Variants in FLT4 observed in about 807,000 individuals in gnomAD.
The protein encoded by FLT4 is vascular endothelial growth factor receptor 3.
In FLT4, 30 loss-of-function variants were observed where a neutral mutation model predicts 163.2. The ratio of observed to expected loss-of-function variants is 0.18; its 90% CI spans 0.14 to 0.25. The LOEUF (loss-of-function observed/expected upper bound fraction) is 0.25. Among genes scored for constraint, FLT4 ranks in the 10% least tolerant of loss-of-function variants. FLT4 has a pLI of 1.00. For missense variants in FLT4, 1,510 were observed against 1,863.8 expected (o/e 0.81, Z 3.50); for synonymous variants, 884 against 789.5 (o/e 1.12, Z -2.01).
intron 1 of FLT4, among the ~76,000 whole-genome samples, chr5:180,637,191 A>G (rs542505279): frequency 6.6e-6 from 1 of 152,096 alleles, no homozygotes; most frequent in South Asian, 2.1e-4. Flanking sequence ...TTAGCCGGGC[A>G]CGGTGGTGGG....
intron 28 of FLT4, chr5:180,609,405 A>G (rs1762004687): frequency 4.6e-6 from 2 of 435,062 alleles, no homozygotes; most frequent in Non-Finnish European, 4.3e-6. Flanking sequence ...AAAACGATCC[A>G]TGTGAGGCTG....
Position 180,602,638 on chromosome 5 carries a change from G to A in FLT4, c.*554C>T, listed in dbSNP as rs1196651030. The A allele has an allele frequency of 2.4e-6, 1 of 410,526 alleles. No homozygotes were observed. Among genetic ancestry groups the A allele is most frequent in the East Asian group, 3.5e-5 (1 of 28,798 alleles). The allele number at this position is 410,526 out of a possible 1,614,324, so 25.4% of individuals were successfully genotyped here. ...GTTGGCTGTTTGGTCAGGCCCAGAAGAGGACCCTGCAAATGCCTTCTTTGA... is the reference window on the plus strand; with the variant it reads ...GTTGGCTGTTTGGTCAGGCCCAGAAAAGGACCCTGCAAATGCCTTCTTTGA... On this transcript the variant is annotated 3_prime_UTR_variant, in exon 30 of 30. Transcript: ENST00000261937.
At position 180,626,139 on chromosome 5, in the gene FLT4, G is replaced by A. The variant is rs113099929; in HGVS notation, c.1230C>T (p.Arg410=). 1.2e-5 allele frequency: 19 copies of A among 1,612,866 alleles called. 1 individual carries two copies. In the African/African-American group the frequency reaches 1.7e-4, roughly 15 times the overall value. ...ALWNSAAGLR[R]NISLELVVNV... Reference sequence around the variant, plus strand: ...TCACCACCAGCTCCAGGCTGATGTTGCGCCTCAGGCCAGCAGCGGAGTTCC... The same window carrying A: ...TCACCACCAGCTCCAGGCTGATGTTACGCCTCAGGCCAGCAGCGGAGTTCC... Residue 410 remains arginine (R), a synonymous_variant, in exon 9 of 30, where the codon CGC becomes CGT. Transcript: ENST00000261937.
rs186379730 is a variant in FLT4, at chr5:180,636,611, C to T, written c.59-4833G>A. ...TTCACCATCCACAGGGCTGACTCAC[C>T]AGCACCCTGGCCTCTGAGATCCCCC... On this transcript the variant is annotated intron_variant, in intron 1 of 29. Transcript: ENST00000261937. The surrounding 1 kb of genome is among the most constrained non-coding windows in gnomAD (Gnocchi z 4.3). Among the ~76,000 whole-genome samples, 2 of 151,830 alleles carry T rather than the reference C, an allele frequency of 1.3e-5. No individual in the cohort carries two copies. Among genetic ancestry groups the T allele is most frequent in the African/African-American group, 4.8e-5 (2 of 41,384 alleles).
rs1763056319 is a variant in FLT4, at chr5:180,620,638, G to C, written c.2377C>G (p.Leu793Val). ...CTCATGTTACAGAAGATGAGGAGGA[G>C]GAGGACCCAGAAGAAGACAGCGATG... ...GVIAVFFWVL[L>V]LLIFCNMRRP... is the part of the protein sequence containing the mutation. Residue 793 changes from leucine (L) to valine (V), a missense_variant, in exon 16 of 30, where the codon CTC (leucine) becomes GTC (valine). Physicochemically the swap from Leu to Val is conservative, Grantham distance 32. This residue lies in a region of FLT4 where 878 missense variants were observed against 1,016.7 expected (regional missense o/e 0.86). Transcript: ENST00000261937. The surrounding 1 kb of genome is among the most constrained non-coding windows in gnomAD (Gnocchi z 4.4). 6.2e-7 allele frequency: 1 copy of C among 1,613,208 alleles called. No homozygotes were observed. The highest frequency in any genetic ancestry group is 8.5e-7 in the Non-Finnish European group (1 of 1,179,700).
intron 8 of FLT4, among the ~76,000 whole-genome samples, chr5:180,627,690 TGA>T (rs1251446784): frequency 6.6e-6 from 1 of 152,170 alleles, no homozygotes; most frequent in Non-Finnish European, 1.5e-5. Flanking sequence ...AAAGCTGTTC[TGA>T]GAGGCAGCTG....
chr5:180,621,267 C>T lies in FLT4; in HGVS notation c.2021-15G>A, dbSNP rs749019722. 2 of 1,609,636 alleles carry T rather than the reference C, an allele frequency of 1.2e-6. No individual in the cohort carries two copies. Among genetic ancestry groups the T allele is most frequent in the East Asian group, 2.2e-5 (1 of 44,784 alleles). ...GGCTTCCAGGGCTGGGGGCAGGGGTCGAGAGGGAGCTAAGTGGAGCTGCAC... is the reference window on the plus strand; with the variant it reads ...GGCTTCCAGGGCTGGGGGCAGGGGTTGAGAGGGAGCTAAGTGGAGCTGCAC... On this transcript the variant is annotated splice_polypyrimidine_tract_variant and intron_variant, in intron 13 of 29. Coordinates refer to ENST00000261937, the MANE Select transcript of FLT4 (RefSeq NM_182925.5).
intron 29 of FLT4, among the ~76,000 whole-genome samples, chr5:180,605,338 T>C (rs1761732464): frequency 6.6e-6 from 1 of 152,210 alleles, no homozygotes; most frequent in Non-Finnish European, 1.5e-5. Context: ...TCCGTCCATT[T>C]CTATCCTGAA....
chr5:180,612,917 C>T, intron 25 of FLT4, 94 bp downstream of exon 25: 2 of 939,146 alleles, frequency 2.1e-6, no homozygotes, highest in Non-Finnish European at 1.7e-6. Flanking sequence ...TCCTACTGGC[C>T]CTGGCTTCCC....
chr5:180,606,905 A>ACAAAAC (rs749745339), intron 29 of FLT4, among the ~76,000 whole-genome samples: 1 of 38,632 alleles, frequency 2.6e-5, no homozygotes. Context: ...AAAAAAAAAA[A>ACAAAAC]AAAAAAAAAA....
chr5:180,647,665 G>A (rs559140919), intron 1 of FLT4, among the ~76,000 whole-genome samples: 1 of 151,862 alleles, frequency 6.6e-6, no homozygotes, highest in Non-Finnish European at 1.5e-5. Flanking sequence ...GGGCTCCCGG[G>A]GTCTTCAGCC....
At position 180,627,676 on chromosome 5, in the gene FLT4, G is replaced by A. The variant is rs1376086823; in HGVS notation, c.1103+1206C>T. Reference sequence around the variant, plus strand: ...AGCCAGATGTGGCAGGAGTGAGCCAGTGGAAAGCTGTTCTGAGAGGCAGCT... The same window carrying A: ...AGCCAGATGTGGCAGGAGTGAGCCAATGGAAAGCTGTTCTGAGAGGCAGCT... On this transcript the variant is annotated intron_variant, in intron 8 of 29. Transcript: ENST00000261937. 2.0e-5 allele frequency among the ~76,000 whole-genome samples: 3 copies of A among 152,256 alleles called. No homozygotes were observed. The East Asian group carries it at 5.8e-4, about 29-fold the overall frequency.
chr5:180,640,805 C>A (rs1278557210), intron 1 of FLT4, among the ~76,000 whole-genome samples: 2 of 152,184 alleles, frequency 1.3e-5, no homozygotes, highest in Admixed American at 6.5e-5. Context: ...ATCAAATCCT[C>A]TCTGGGCCCA....
intron 8 of FLT4, among the ~76,000 whole-genome samples, chr5:180,627,620 CAGGA>C (rs1763732486): frequency 6.6e-6 from 1 of 152,162 alleles, no homozygotes; most frequent in Non-Finnish European, 1.5e-5. Flanking sequence ...GTGGGCACCA[CAGGA>C]AGGGTGGGTG....
Position 180,616,890 on chromosome 5 carries a change from G to T in FLT4, c.3096+10C>A, listed in dbSNP as rs1397096992. ...TTTTCCCGTCTGAAGGGCCTTCGGG[G>T]GAAGCTCACCTTTCGGGAAGCCAGG... On this transcript the variant is annotated intron_variant, in intron 22 of 29. Coordinates refer to ENST00000261937, the MANE Select transcript of FLT4 (RefSeq NM_182925.5). The T allele has an allele frequency of 6.2e-7, 1 of 1,609,824 alleles. No homozygotes were observed. Among genetic ancestry groups the T allele is most frequent in the African/African-American group, 1.3e-5 (1 of 74,802 alleles).
In FLT4 at chr5:180,629,391, G is replaced by T. The variant is rs1279584243; in HGVS notation, c.853C>A (p.Gln285Lys). 8 of 1,611,944 alleles carry T rather than the reference G, an allele frequency of 5.0e-6. No homozygotes were observed. Among genetic ancestry groups the T allele is most frequent in the Non-Finnish European group, 6.8e-6 (8 of 1,179,972 alleles). ...CTGGAGAGTTCTGTGTGGGTCTGCT[G>T]GGAGCGTCGCTCGGGCACCCACTTA... ...RGKWVPERRS[Q>K]QTHTELSSIL... The change falls in exon 7 of 30, where the codon CAG becomes AAG. Residue 285 changes from glutamine (Q) to lysine (K), a missense_variant. By Grantham distance (53) the Gln-to-Lys change is moderately conservative. Transcript: ENST00000261937.
At chr5:180,629,120 C>G (rs1581674059) in intron 7 of FLT4, 121 bp from the exon 8 acceptor site, 1 of 1,443,188 alleles carries the variant, frequency 6.9e-7, no homozygotes, top group East Asian at 2.3e-5. Flanking sequence ...GCTGGCCATG[C>G]CGCCCGGTGC....
Position 180,649,468 on chromosome 5 carries a change from G to T in FLT4, c.58+20C>A. The T allele has an allele frequency of 6.9e-7, 1 of 1,454,266 alleles. No individual in the cohort carries two copies. The highest frequency in any genetic ancestry group is 9.1e-7 in the Non-Finnish European group (1 of 1,104,774). The allele number at this position is 1,454,266 out of a possible 1,614,324, so 90.1% of individuals were successfully genotyped here. ...CGGCCAGCCCCACGCTCGGGCGGGT[G>T]GCCCGTTCGCCGCGCTCACCGTCCA... On this transcript the variant is annotated intron_variant, in intron 1 of 29. Coordinates refer to ENST00000261937, the MANE Select transcript of FLT4 (RefSeq NM_182925.5).
intron 1 of FLT4, among the ~76,000 whole-genome samples, chr5:180,647,925 G>A (rs190611639): frequency 6.6e-6 from 1 of 152,264 alleles, no homozygotes; most frequent in Admixed American, 6.5e-5. Flanking sequence ...GGCCTCTCCT[G>A]GTTCTCCTTA....
Sources: gnomAD v4.1 joint callset for allele counts (sites outside exome capture counted in the v4.1 genomes callset) on GRCh38, gnomAD v4.1.1 for gene constraint, gnomAD v4.1.1 regional missense constraint, Gnocchi (gnomAD v3.1) non-coding constraint, MANE v1.5 for transcripts, NCBI Gene and HGNC (gene_info 2026-07-23, HGNC 2026-07-21) for gene names.